Variants in RBFOX1 observed in about 807,000 individuals in gnomAD.
The protein encoded by RBFOX1 is RNA binding protein fox-1 homolog 1.
Under a neutral mutation model 57.7 loss-of-function variants are expected in RBFOX1, and 8 were observed. The ratio of observed to expected loss-of-function variants is 0.14; its 90% confidence interval spans 0.08 to 0.25. The LOEUF (loss-of-function observed/expected upper bound fraction) is 0.25, where lower values mean the gene tolerates loss of function less well. Ranked by LOEUF, RBFOX1 falls within the 10% of genes least tolerant of loss-of-function variation. The pLI, the probability that RBFOX1 is intolerant of heterozygous loss-of-function variation, is 1.00. For synonymous variants in RBFOX1, 326 were observed against 222.4 expected (o/e 1.47, Z -4.15); for missense variants, 611 against 548.5 (o/e 1.11, Z -1.14).
rs143941677 is a variant in RBFOX1, at chr16:6,319,594, A to G, written c.-64+2537A>G. ...TCTGATGGTTGGTTTCTATTCCCCAATACTCTTCTTCAAAGCTTTCACTTC... is the reference window on the plus strand; with the variant it reads ...TCTGATGGTTGGTTTCTATTCCCCAGTACTCTTCTTCAAAGCTTTCACTTC... On this transcript the variant is annotated intron_variant, in intron 2 of 15. Coordinates refer to ENST00000550418, the MANE Select transcript of RBFOX1 (RefSeq NM_018723.4). Among the ~76,000 whole-genome samples the G allele has an allele frequency of 6.5e-3, 997 of 152,280 alleles. 9 individuals are homozygous for G. Among genetic ancestry groups the G allele is most frequent in the Non-Finnish European group, 0.011 (732 of 68,016 alleles).
intron 3 of RBFOX1, among the ~76,000 whole-genome samples, chr16:6,746,923 G>A (rs188788094): frequency 2.6e-5 from 4 of 152,198 alleles, no homozygotes; most frequent in African/African-American, 9.6e-5. Context: ...TATTTTGGGA[G>A]ACTTCAGCAG....
rs544089284 is a variant in RBFOX1 at position 5,884,053 on chromosome 16, C to T, written c.351+16718C>T. ...GTACCACTTCTCAACATTTCAACTT[C>T]TCATCTGAAAGATGGGGATAATCAC... On this transcript the variant is annotated intron_variant, in intron 4 of 19. Coordinates refer to the RBFOX1 transcript ENST00000641259. Among the ~76,000 whole-genome samples the T allele has an allele frequency of 7.9e-5, 12 of 152,306 alleles. No individual in the cohort carries two copies. The East Asian group carries it at 1.5e-3, about 20-fold the overall frequency.
intron 4 of RBFOX1, among the ~76,000 whole-genome samples, chr16:5,981,642 T>G (rs879391438): frequency 1.3e-5 from 2 of 152,056 alleles, no homozygotes; most frequent in Non-Finnish European, 2.9e-5. Context: ...CCAATTTTTA[T>G]ATTTTTAGTA....
chr16:5,774,352 T>C (rs1490235118), intron 3 of RBFOX1, among the ~76,000 whole-genome samples: 1 of 152,226 alleles, frequency 6.6e-6, no homozygotes, highest in Non-Finnish European at 1.5e-5. Context: ...TACTTGATCA[T>C]ATCATTTCTT....
intron 4 of RBFOX1, among the ~76,000 whole-genome samples, chr16:7,187,837 T>C (rs1014844323): frequency 6.6e-6 from 1 of 152,134 alleles, no homozygotes; most frequent in Non-Finnish European, 1.5e-5. Context: ...CCTAAATTTC[T>C]GACATAGAAA....
intron 3 of RBFOX1, among the ~76,000 whole-genome samples, chr16:6,663,324 G>A (rs2154100714): frequency 6.6e-6 from 1 of 152,302 alleles, no homozygotes; most frequent in South Asian, 2.1e-4. Flanking sequence ...GAAGAAAGGA[G>A]TTGATCAACA....
chr16:5,582,097 G>A lies in RBFOX1; in HGVS notation c.259-16805G>A, dbSNP rs181221960. Reference sequence around the variant, plus strand: ...TATTTCACTGTTAAAAGAGCTGACAGCTCCCTCTTCTGCAGGCAGGCAGTC... The same window carrying A: ...TATTTCACTGTTAAAAGAGCTGACAACTCCCTCTTCTGCAGGCAGGCAGTC... On this transcript the variant is annotated intron_variant, in intron 2 of 2. Coordinates refer to the RBFOX1 transcript ENST00000585867. Among the ~76,000 whole-genome samples the A allele has an allele frequency of 3.9e-5, 6 of 152,298 alleles. No homozygotes were observed. In the South Asian group the frequency reaches 1.0e-3, roughly 26 times the overall value.
At chr16:5,827,078 C>G (rs980526100) in intron 3 of RBFOX1, among the ~76,000 whole-genome samples, 1 of 152,134 alleles carries the variant, frequency 6.6e-6, no homozygotes, top group African/African-American at 2.4e-5. Context: ...AAGTCTTTTT[C>G]TCTTTCACAC....
chr16:5,907,722 ATC>A (rs2058495923), intron 4 of RBFOX1, among the ~76,000 whole-genome samples: 2 of 33,102 alleles, frequency 6.0e-5, no homozygotes, highest in East Asian at 1.0e-3. Context: ...GAGACTATTT[ATC>A]ATCATCATCA....
chr16:6,581,865 A>C (rs1025661508), intron 2 of RBFOX1, among the ~76,000 whole-genome samples: 5 of 152,218 alleles, frequency 3.3e-5, no homozygotes, highest in African/African-American at 1.2e-4. Context: ...CATGTCCAAC[A>C]CAATCAGAGG....
chr16:5,697,532 A>ATTTTTTTTTTTTTTTTTTTTTTTT (rs374138178), intron 3 of RBFOX1, among the ~76,000 whole-genome samples: 1 of 133,966 alleles, frequency 7.5e-6, no homozygotes, highest in African/African-American at 2.7e-5. Flanking sequence ...TTTCTTTTCT[A>ATTTTTTTTTTTTTTTTTTTTTTTT]TTCTTTTTTT....
chr16:7,335,885 A>T (rs906806439), intron 4 of RBFOX1, among the ~76,000 whole-genome samples: 2 of 152,180 alleles, frequency 1.3e-5, no homozygotes, highest in African/African-American at 4.8e-5. Context: ...CCAGCCAGGT[A>T]GAGAATGACA....
chr16:6,313,001 A>T (rs2080560264), intron 1 of RBFOX1, among the ~76,000 whole-genome samples: 1 of 152,150 alleles, frequency 6.6e-6, no homozygotes, highest in Non-Finnish European at 1.5e-5. Flanking sequence ...AGAAAGGGTG[A>T]TGGGCTCTTA....
At chr16:5,907,382 C>T (rs1298668472) in intron 4 of RBFOX1, among the ~76,000 whole-genome samples, 3 of 152,074 alleles carry the variant, frequency 2.0e-5, no homozygotes, top group Admixed American at 6.5e-5. Flanking sequence ...CTTCTCCATC[C>T]AAAACCATTC....
At chr16:5,607,119 G>C (rs1030686887) in intron 3 of RBFOX1, among the ~76,000 whole-genome samples, 1 of 152,188 alleles carries the variant, frequency 6.6e-6, no homozygotes, top group African/African-American at 2.4e-5. Context: ...CTGGGGAGCA[G>C]AGGGGTCACC....
At chr16:6,774,865 A>G (rs28621766) in intron 3 of RBFOX1, among the ~76,000 whole-genome samples, 2,161 of 152,198 alleles carry the variant, frequency 0.014, 59 homozygotes, top group African/African-American at 0.048. Flanking sequence ...AGTGCAACTG[A>G]GGGGCTTTTA....
At chr16:7,493,758 A>G (rs1410975852) in intron 4 of RBFOX1, among the ~76,000 whole-genome samples, 2 of 152,238 alleles carry the variant, frequency 1.3e-5, no homozygotes, top group African/African-American at 4.8e-5. Flanking sequence ...CCTTGACTTT[A>G]CGTCAGTTGA....
At chr16:5,662,624 C>G (rs576444732) in intron 3 of RBFOX1, among the ~76,000 whole-genome samples, 1 of 152,136 alleles carries the variant, frequency 6.6e-6, no homozygotes, top group Non-Finnish European at 1.5e-5. Context: ...ACAATTTTTT[C>G]TTTCTTTAAA....
intron 3 of RBFOX1, among the ~76,000 whole-genome samples, chr16:5,660,344 G>A (rs916574058): frequency 4.6e-5 from 7 of 152,250 alleles, no homozygotes; most frequent in Non-Finnish European, 8.8e-5. Flanking sequence ...TCTCCCTCGC[G>A]TTTTCGGCTT....
Sources: allele counts gnomAD v4.1 joint callset (sites outside exome capture counted in the v4.1 genomes callset), GRCh38; gene constraint gnomAD v4.1.1; transcripts MANE v1.5; gene names NCBI Gene and HGNC (gene_info 2026-07-23, HGNC 2026-07-21).